The following CUL9 variants were observed in gnomAD, a reference collection of about 807,000 sequenced individuals.
CUL9 encodes the protein cullin 9.
In CUL9, 79 loss-of-function variants were observed where a neutral mutation model predicts 272.6. The observed-to-expected ratio is 0.29, with a 90% CI of 0.24 to 0.35. The LOEUF (loss-of-function observed/expected upper bound fraction) is 0.35, where lower values mean the gene tolerates loss of function less well. CUL9 is among the 10% of genes least tolerant of loss of function. The pLI, the probability that CUL9 is intolerant of heterozygous loss-of-function variation, is 1.00. For missense variants in CUL9, 2,532 were observed against 3,255.6 expected (o/e 0.78, Z 5.41); for synonymous variants, 1,186 against 1,286.5 (o/e 0.92, Z 1.67).
Position 43,204,528 on chromosome 6 carries a change from C to G in CUL9, c.4328C>G (p.Ser1443Cys). The G allele has an allele frequency of 6.2e-7, 1 of 1,614,104 alleles. No individual in the cohort carries two copies. Among genetic ancestry groups the G allele is most frequent in the Non-Finnish European group, 8.5e-7 (1 of 1,180,030 alleles). The part of the protein sequence containing the change: ...EPPPGPSPEP[S>C]TRPFSKNSKG... The stretch of plus-strand genomic sequence containing the variant: ...CCTCCTGGGCCTTCTCCTGAGCCAT[C>G]CACTCGGCCCTGTAAGTCCCAGCTG... The change falls in exon 21 of 41, where the codon TCC (serine) becomes TGC (cysteine). Residue 1443 changes from serine to cysteine, a missense_variant. Ser to Cys is a moderately radical substitution (Grantham distance 112, BLOSUM62 -1). Around this residue, in one of 3 missense-constraint regions of CUL9, gnomAD observed 2,218 missense variants for 2,788.6 expected, o/e 0.80. Coordinates refer to ENST00000252050, the MANE Select transcript of CUL9 (RefSeq NM_015089.4).
In CUL9 at chr6:43,187,729, C is replaced by A. The variant is rs144533847; in HGVS notation, c.1598C>A (p.Ala533Asp). The A allele has an allele frequency of 2.8e-5, 45 of 1,612,578 alleles. No individual in the cohort carries two copies. In the African/African-American group the frequency reaches 5.2e-4, roughly 19 times the overall value. ...KNLDETLGEK[A>D]LGEISVSVEM... The stretch of plus-strand genomic sequence containing the variant: ...TGTTGACAGACCCTGGGTGAAAAGG[C>A]CCTAGGTGAGATCTCTGTGTCCGTG... The change falls in exon 7 of 41, where the codon GCC becomes GAC. Residue 533 changes from alanine to aspartate, a missense_variant. By Grantham distance (126) the Ala-to-Asp change is moderately radical. Transcript: ENST00000252050.
At chr6:43,186,924 C>T in intron 4 of CUL9, 36 bp from the exon 5 acceptor site, 1 of 1,609,434 alleles carries the variant, frequency 6.2e-7, no homozygotes, top group Non-Finnish European at 8.5e-7. Context: ...GTTGAGCCTT[C>T]TCTATTCTGC....
In CUL9 at chr6:43,199,800, T is replaced by G; in HGVS notation, c.3157-129T>G. ...TACTCCACCCTGAATTTGGTACTCT[T>G]GTTTCCCTGGGCGTTGGCATGTCTC... is the stretch of plus-strand genomic sequence containing the variant. On this transcript the variant is annotated intron_variant, in intron 13 of 40. Transcript: ENST00000252050. This position sits in a 1 kb window ranked among gnomAD's most constrained non-coding sequence, Gnocchi z 4.4. The G allele has an allele frequency of 1.3e-6, 1 of 740,772 alleles. No individual in the cohort carries two copies. Among genetic ancestry groups the G allele is most frequent in the Non-Finnish European group, 2.3e-6 (1 of 436,386 alleles). The allele number at this position is 740,772 out of a possible 1,614,324, so 45.9% of individuals were successfully genotyped here. A position where few individuals can be genotyped will look rare whatever the true frequency, so the allele number is the denominator to read the frequency against.
Position 43,216,300 on chromosome 6 carries a change from C to A in CUL9, c.6079C>A (p.Leu2027Ile), listed in dbSNP as rs780503413. ...LNLEPDVAQH[L>I]LAHSHWGAEQ... Reference sequence around the variant, plus strand: ...CTTAGAGCCAGATGTCGCTCAGCACCTTTTGGCTCATTCCCACTGGGGCGC... The same window carrying A: ...CTTAGAGCCAGATGTCGCTCAGCACATTTTGGCTCATTCCCACTGGGGCGC... Residue 2027 changes from leucine to isoleucine, a missense_variant, in exon 31 of 41, where the codon CTT becomes ATT. Leu to Ile is a conservative substitution (Grantham distance 5). This residue lies in a region of CUL9 where 2,218 missense variants were observed against 2,788.6 expected (regional missense o/e 0.80). Coordinates refer to ENST00000252050, the MANE Select transcript of CUL9 (RefSeq NM_015089.4). 6 of 1,614,114 alleles carry A rather than the reference C, an allele frequency of 3.7e-6. No individual in the cohort carries two copies. The South Asian group carries it at 6.6e-5, about 18-fold the overall frequency.
chr6:43,204,703 C>G (rs774013411), intron 21 of CUL9, 45 bp from the exon 22 acceptor site: 7 of 1,606,652 alleles, frequency 4.4e-6, no homozygotes, highest in Non-Finnish European at 5.1e-6. Context: ...TGTACTCACC[C>G]AGAGGCTGAG....
chr6:43,207,486 T>G (rs1775141873), intron 26 of CUL9, among the ~76,000 whole-genome samples: 1 of 152,248 alleles, frequency 6.6e-6, no homozygotes, highest in Non-Finnish European at 1.5e-5. Flanking sequence ...TTTATTTTGC[T>G]GAGTCATATT....
rs779782204 is a variant in CUL9, at chr6:43,221,111, C to A, written c.6589-47C>A. 15 of 1,596,228 alleles carry A rather than the reference C, an allele frequency of 9.4e-6. No homozygotes were observed. Among genetic ancestry groups the A allele is most frequent in the Non-Finnish European group, 1.3e-5 (15 of 1,172,612 alleles). On this transcript the variant is annotated intron_variant, in intron 33 of 40. Coordinates refer to ENST00000252050, the MANE Select transcript of CUL9 (RefSeq NM_015089.4). The surrounding 1 kb of genome is among the most constrained non-coding windows in gnomAD (Gnocchi z 4.2). ...CTCTCTCCTGTGCACACCAGCCATG[C>A]TGCCCTCACGGCTCAGCTGTGTCCC...
intron 7 of CUL9, 143 bp downstream of exon 7, chr6:43,188,261 C>A: frequency 2.0e-6 from 2 of 984,180 alleles, no homozygotes; most frequent in Non-Finnish European, 2.9e-6. Context: ...CGTCCATCTT[C>A]TTCCTTTTGA....
chr6:43,198,796 G>A lies in CUL9; in HGVS notation c.2991G>A (p.Leu997=). The A allele has an allele frequency of 1.2e-6, 2 of 1,613,932 alleles. No homozygotes were observed. The highest frequency in any genetic ancestry group is 1.7e-6 in the Non-Finnish European group (2 of 1,180,050). The change falls in exon 12 of 41, where the codon CTG becomes CTA. Residue 997 remains leucine, a synonymous_variant. Transcript: ENST00000252050. ...AGCAGGAGACCCAGCCTTTCCTCCT[G>A]TTGCTGCGGACTCTGGATGCTCCGG... ...RLQQETQPFL[L]LLRTLDAPGP... is the part of the protein sequence containing the mutation.
intron 11 of CUL9, chr6:43,198,388 A>T: frequency 1.0e-6 from 1 of 983,360 alleles, no homozygotes; most frequent in South Asian, 4.7e-5. Context: ...TCTTGTGTTT[A>T]ACTCGACAGT....
chr6:43,205,923 A>G, intron 24 of CUL9, 84 bp from the exon 25 acceptor site: 1 of 1,200,590 alleles, frequency 8.3e-7, no homozygotes, highest in Non-Finnish European at 1.2e-6. Context: ...AGGCAGAGGG[A>G]CAGAGGGACC....
chr6:43,214,656 C>G (rs1046353861), intron 29 of CUL9, among the ~76,000 whole-genome samples: 10 of 152,022 alleles, frequency 6.6e-5, no homozygotes, highest in African/African-American at 2.2e-4. Context: ...CAAAAATTAG[C>G]CAGGCGTGGT....
At chr6:43,189,906 A>G (rs2150531052) in intron 8 of CUL9, among the ~76,000 whole-genome samples, 1 of 152,374 alleles carries the variant, frequency 6.6e-6, no homozygotes, top group Non-Finnish European at 1.5e-5. Context: ...CACCACTGTT[A>G]TCAGTCTACT....
rs777093906 is a variant in CUL9 at position 43,220,877 on chromosome 6, G to A, written c.6554G>A (p.Gly2185Asp). ...LGCGTTCSKCGWASCFNCSFP... is the reference protein window; with the variant it reads ...LGCGTTCSKCDWASCFNCSFP... The stretch of plus-strand genomic sequence containing the variant: ...TGTGGGACCACCTGCTCCAAGTGTG[G>A]CTGGGCCTCTTGCTTCAACTGTAGC... The change falls in exon 33 of 41, where the codon GGC (glycine) becomes GAC (aspartate). Residue 2185 changes from glycine to aspartate, a missense_variant. This residue lies in a region of CUL9 where 77 missense variants were observed against 161.1 expected (regional missense o/e 0.48). Coordinates refer to ENST00000252050, the MANE Select transcript of CUL9 (RefSeq NM_015089.4). The surrounding 1 kb of genome is among the most constrained non-coding windows in gnomAD (Gnocchi z 4.9). 5.0e-6 allele frequency: 8 copies of A among 1,613,288 alleles called. No homozygotes were observed. The South Asian group carries it at 8.8e-5, about 18-fold the overall frequency.
At position 43,184,943 on chromosome 6, in the gene CUL9, A is replaced by C; in HGVS notation, c.595+38A>C. On this transcript the variant is annotated intron_variant, in intron 2 of 40. Coordinates refer to ENST00000252050, the MANE Select transcript of CUL9 (RefSeq NM_015089.4). The surrounding 1 kb of genome is among the most constrained non-coding windows in gnomAD (Gnocchi z 4.8). ...CAGGGAAGAAGGAAAGGAATGGAGA[A>C]AATGGGGCCACAGGGAATAAGAAAG... 6 of 1,466,680 alleles carry C rather than the reference A, an allele frequency of 4.1e-6. No individual in the cohort carries two copies. Among genetic ancestry groups the C allele is most frequent in the Non-Finnish European group, 5.6e-6 (6 of 1,077,892 alleles). The allele number at this position is 1,466,680 out of a possible 1,614,324, so 90.9% of individuals were successfully genotyped here. A position where few individuals can be genotyped will look rare whatever the true frequency, so the allele number is the denominator to read the frequency against.
intron 16 of CUL9, among the ~76,000 whole-genome samples, chr6:43,201,803 G>A (rs1427748731): frequency 1.3e-5 from 2 of 152,172 alleles, no homozygotes; most frequent in African/African-American, 2.4e-5. Flanking sequence ...TCTAAGTGGC[G>A]GAAGATACAG....
chr6:43,215,967 C>T (rs1442874114), intron 30 of CUL9, among the ~76,000 whole-genome samples, 191 bp from the exon 31 acceptor site: 2 of 152,226 alleles, frequency 1.3e-5, no homozygotes, highest in African/African-American at 4.8e-5. Context: ...CAACAGCCAG[C>T]CCCACCCTGA....
chr6:43,209,238 C>T (rs537851390), intron 26 of CUL9, among the ~76,000 whole-genome samples: 68 of 151,328 alleles, frequency 4.5e-4, no homozygotes, highest in Admixed American at 1.1e-3. Flanking sequence ...CTCTGCCTCC[C>T]GGGTTCACAC....
chr6:43,215,667 C>T (rs1342702445), intron 30 of CUL9, among the ~76,000 whole-genome samples: 1 of 152,124 alleles, frequency 6.6e-6, no homozygotes, highest in African/African-American at 2.4e-5. Flanking sequence ...CTGTTATGGC[C>T]CTGCTTTTCA....
Sources: gnomAD v4.1 joint callset for allele counts (sites outside exome capture counted in the v4.1 genomes callset) on GRCh38, gnomAD v4.1.1 for gene constraint, gnomAD v4.1.1 regional missense constraint, Gnocchi (gnomAD v3.1) non-coding constraint, MANE v1.5 for transcripts, NCBI Gene and HGNC (gene_info 2026-07-23, HGNC 2026-07-21) for gene names.